Variants in DLG2 observed in about 807,000 individuals in gnomAD.
DLG2 encodes the protein disks large homolog 2.
A neutral mutation model predicts 132.5 loss-of-function variants in DLG2; 45 were observed. The ratio of observed to expected loss-of-function variants is 0.34; its 90% confidence interval spans 0.27 to 0.44. DLG2 has a LOEUF of 0.44. Among genes scored for constraint, DLG2 ranks in the 20% least tolerant of loss-of-function variants. The pLI is 1.00. For missense variants in DLG2, 1,045 were observed against 1,196.9 expected, an observed-to-expected ratio of 0.87 and a Z score of 1.87; for synonymous variants, 424 against 419.6, an observed-to-expected ratio of 1.01 and a Z score of -0.13.
intron 4 of DLG2, among the ~76,000 whole-genome samples, chr11:85,233,897 TC>T (rs2152654927): frequency 6.6e-6 from 1 of 152,002 alleles, no homozygotes; most frequent in East Asian, 1.9e-4. Context: ...ACTTGAAATA[TC>T]TTTAATTTTC....
intron 4 of DLG2, among the ~76,000 whole-genome samples, chr11:85,179,359 A>G (rs929552104): frequency 2.6e-5 from 4 of 151,928 alleles, no homozygotes; most frequent in Non-Finnish European, 5.9e-5. Flanking sequence ...AGGAATATCT[A>G]AGTACAAAGA....
At chr11:85,098,009 A>G (rs114044694) in intron 6 of DLG2, among the ~76,000 whole-genome samples, 178 of 152,358 alleles carry the variant, frequency 1.2e-3, no homozygotes, top group African/African-American at 4.1e-3. Context: ...ATAAGCTCTC[A>G]GAATAAGTAC....
chr11:84,287,463 A>G (rs938994467), intron 7 of DLG2, among the ~76,000 whole-genome samples: 5 of 152,090 alleles, frequency 3.3e-5, no homozygotes, highest in Admixed American at 3.3e-4. Flanking sequence ...TTTTCAAACC[A>G]TAGAATTTTC....
chr11:83,891,070 A>C (rs1291606387), intron 15 of DLG2, among the ~76,000 whole-genome samples: 1 of 152,196 alleles, frequency 6.6e-6, no homozygotes, highest in Non-Finnish European at 1.5e-5. Flanking sequence ...ATCTCATTAA[A>C]TAGATATTAC....
chr11:84,714,611 T>TTCTTTCTCTCTCTCTCTC (rs2060932084), intron 6 of DLG2, among the ~76,000 whole-genome samples: 1 of 93,510 alleles, frequency 1.1e-5, no homozygotes, highest in African/African-American at 4.7e-5. Context: ...CTCTTTCTCT[T>TTCTTTCTCTCTCTCTCTC]TCTCTTTCTC....
intron 6 of DLG2, among the ~76,000 whole-genome samples, chr11:84,966,091 G>A (rs1255905406): frequency 6.6e-6 from 1 of 151,848 alleles, no homozygotes; most frequent in Admixed American, 6.6e-5. Flanking sequence ...GATAATAGGT[G>A]TATGTTGTAT....
intron 3 of DLG2, among the ~76,000 whole-genome samples, chr11:85,430,264 G>A (rs2091079582): frequency 6.6e-6 from 1 of 151,562 alleles, no homozygotes; most frequent in Non-Finnish European, 1.5e-5. Flanking sequence ...ATGACGAGTT[G>A]ATGGGTGCAG....
intron 6 of DLG2, among the ~76,000 whole-genome samples, chr11:84,723,175 C>A (rs1436698272): frequency 6.6e-6 from 1 of 152,040 alleles, no homozygotes; most frequent in Non-Finnish European, 1.5e-5. Flanking sequence ...TTTCAAACAC[C>A]CCAAAAGTAT....
intron 7 of DLG2, among the ~76,000 whole-genome samples, chr11:84,291,275 G>T (rs543882734): frequency 6.6e-6 from 1 of 152,106 alleles, no homozygotes; most frequent in South Asian, 2.1e-4. Context: ...GAGAAGTTAT[G>T]GTTAAAATAA....
Position 84,121,541 on chromosome 11 carries a change from ATTTTTTTTTTTTTTTTTTTTTT to A in DLG2, c.625-22516_625-22495del, listed in dbSNP as rs869183421. On this transcript the variant is annotated intron_variant, in intron 9 of 27. Coordinates refer to ENST00000376104, the MANE Select transcript of DLG2 (RefSeq NM_001142699.3). ...TTACTCTCACTTATATTCCTTGCTA[ATTTTTTTTTTTTTTTTTTTTTT>A]TTTTTTTTTTTTTTTTGAGACGGAG... Among the ~76,000 whole-genome samples the A allele has an allele frequency of 7.8e-4, 52 of 66,688 alleles. 1 individual carries two copies. The highest frequency in any genetic ancestry group is 1.4e-3 in the South Asian group (2 of 1,454). 43.7% of individuals were successfully genotyped at this position (66,688 alleles called of 152,430 possible).
chr11:83,593,840 T>C (rs1420457514), intron 19 of DLG2, among the ~76,000 whole-genome samples: 1 of 151,676 alleles, frequency 6.6e-6, no homozygotes. Flanking sequence ...TCTCACTGCT[T>C]GAAAAAAAAA....
chr11:84,371,067 G>C (rs1237440312), intron 7 of DLG2, among the ~76,000 whole-genome samples: 1 of 152,012 alleles, frequency 6.6e-6, no homozygotes, highest in African/African-American at 2.4e-5. Flanking sequence ...TGTCGCTTTA[G>C]ATCTAAAGAG....
intron 6 of DLG2, among the ~76,000 whole-genome samples, chr11:85,028,823 G>T (rs1321000045): frequency 6.6e-6 from 1 of 152,040 alleles, no homozygotes; most frequent in Admixed American, 6.5e-5. Flanking sequence ...CACCCAGGAG[G>T]GGGAGGCCCC....
chr11:83,938,362 G>A (rs1423056217), intron 14 of DLG2, among the ~76,000 whole-genome samples: 4 of 151,760 alleles, frequency 2.6e-5, no homozygotes, highest in Non-Finnish European at 5.9e-5. Flanking sequence ...GGGTGAAAGG[G>A]TGAAAGAGGG....
intron 9 of DLG2, among the ~76,000 whole-genome samples, chr11:84,101,957 C>T (rs1283405878): frequency 6.6e-6 from 1 of 152,082 alleles, no homozygotes; most frequent in Non-Finnish European, 1.5e-5. Context: ...TCACACTTTA[C>T]CCCCCAGGAA....
intron 4 of DLG2, among the ~76,000 whole-genome samples, chr11:85,156,569 G>A (rs1437588336): frequency 1.3e-5 from 2 of 152,098 alleles, no homozygotes; most frequent in African/African-American, 4.8e-5. Context: ...TTGGTCCCAT[G>A]AACTATCCAA....
At chr11:84,574,075 T>A (rs1266871867) in intron 6 of DLG2, among the ~76,000 whole-genome samples, 1 of 152,112 alleles carries the variant, frequency 6.6e-6, no homozygotes, top group Admixed American at 6.6e-5. Flanking sequence ...GAACTGAGAC[T>A]CCAGATGTCC....
At chr11:84,403,107 T>A (rs1044867143) in intron 7 of DLG2, among the ~76,000 whole-genome samples, 10 of 151,974 alleles carry the variant, frequency 6.6e-5, no homozygotes, top group Non-Finnish European at 5.9e-5. Flanking sequence ...CCAGAAGATA[T>A]CCTCTATCAG....
At chr11:84,403,197 T>C (rs1326041845) in intron 7 of DLG2, among the ~76,000 whole-genome samples, 1 of 152,142 alleles carries the variant, frequency 6.6e-6, no homozygotes, top group Admixed American at 6.5e-5. Context: ...TACAGTCCAT[T>C]TGGGAGTCAC....
Sources: allele counts gnomAD v4.1 joint callset (sites outside exome capture counted in the v4.1 genomes callset), GRCh38; gene constraint gnomAD v4.1.1; transcripts MANE v1.5; gene names NCBI Gene and HGNC (gene_info 2026-07-23, HGNC 2026-07-21).